UMAD1: variants seen among roughly 807,000 people sequenced by gnomAD.
UMAD1 encodes the protein UBAP1-MVB12-associated (UMA) domain containing 1, also known as UBAP1-MVB12-associated (UMA)-domain containing protein 1.
In UMAD1, 8 loss-of-function variants were observed where a neutral mutation model predicts 6.1. The ratio of observed to expected loss-of-function variants is 1.30; its 90% CI spans 0.76 to 2.35. The LOEUF is 2.35. Among genes scored for constraint, UMAD1 ranks in the 30% most tolerant of loss-of-function variants. The pLI, the probability that UMAD1 is intolerant of heterozygous loss-of-function variation, is 0.00. For missense variants in UMAD1, 130 were observed against 78.4 expected (o/e 1.66, Z -2.49); for synonymous variants, 56 against 31.4 (o/e 1.78, Z -2.61).
chr7:7,785,108 G>A (rs900873381), intron 2 of UMAD1, among the ~76,000 whole-genome samples: 7 of 152,104 alleles, frequency 4.6e-5, no homozygotes, highest in South Asian at 2.1e-4. Context: ...AGATTTTAGC[G>A]GGTTAAGAGA....
chr7:7,784,796 G>A (rs535378615), intron 2 of UMAD1, among the ~76,000 whole-genome samples: 1 of 94,716 alleles, frequency 1.1e-5, no homozygotes, highest in African/African-American at 5.3e-5. Flanking sequence ...GAGTCTTGCT[G>A]TGTCGCCCAG....
At chr7:7,840,983 G>C (rs913614709) in intron 3 of UMAD1, among the ~76,000 whole-genome samples, 4 of 152,148 alleles carry the variant, frequency 2.6e-5, no homozygotes, top group African/African-American at 9.7e-5. Flanking sequence ...AAAACCTAAA[G>C]GCTAAGACAG....
At chr7:7,850,216 T>C (rs866755048) in intron 3 of UMAD1, among the ~76,000 whole-genome samples, 2 of 151,694 alleles carry the variant, frequency 1.3e-5, no homozygotes, top group Non-Finnish European at 1.5e-5. Flanking sequence ...TTTATAACTT[T>C]AATAGTTACA....
intron 3 of UMAD1, among the ~76,000 whole-genome samples, chr7:7,857,029 C>G (rs569883980): frequency 3.3e-5 from 5 of 152,204 alleles, no homozygotes; most frequent in African/African-American, 1.2e-4. Context: ...TTCAAGCAAC[C>G]ACCATAAAAT....
At chr7:7,755,116 T>C (rs1583800974) in intron 2 of UMAD1, among the ~76,000 whole-genome samples, 1 of 152,234 alleles carries the variant, frequency 6.6e-6, no homozygotes, top group East Asian at 1.9e-4. Context: ...ATCGAATGCC[T>C]GCCTTGATCT....
At chr7:7,850,221 G>A (rs1020720439) in intron 3 of UMAD1, among the ~76,000 whole-genome samples, 4 of 150,944 alleles carry the variant, frequency 2.6e-5, no homozygotes, top group African/African-American at 9.7e-5. Context: ...AACTTTAATA[G>A]TTACAAAGAT....
chr7:7,729,650 G>C lies in UMAD1; in HGVS notation c.82+56197G>C, dbSNP rs192979509. Among the ~76,000 whole-genome samples the C allele has an allele frequency of 9.9e-4, 151 of 152,152 alleles. 1 individual carries two copies. Among genetic ancestry groups the C allele is most frequent in the Non-Finnish European group, 1.7e-3 (117 of 67,996 alleles). On this transcript the variant is annotated intron_variant, in intron 2 of 3. Coordinates refer to ENST00000682710, the MANE Select transcript of UMAD1 (RefSeq NM_001302348.2). ...TTGACTTGATTTCTTTCCCTTCCTAGATCCTATAGTTAGCCTGGACAACTC... is the reference window on the plus strand; with the variant it reads ...TTGACTTGATTTCTTTCCCTTCCTACATCCTATAGTTAGCCTGGACAACTC...
At chr7:7,794,785 C>G (rs1046005594) in intron 2 of UMAD1, among the ~76,000 whole-genome samples, 1 of 152,096 alleles carries the variant, frequency 6.6e-6, no homozygotes, top group African/African-American at 2.4e-5. Flanking sequence ...AGATTACATC[C>G]GTAGAGAATC....
intron 2 of UMAD1, among the ~76,000 whole-genome samples, chr7:7,678,222 T>C (rs1779797000): frequency 6.6e-6 from 1 of 150,714 alleles, no homozygotes; most frequent in Admixed American, 6.7e-5. Context: ...ATGAGGTCCC[T>C]TTTCTACACA....
At chr7:7,690,674 A>G (rs1006446790) in intron 2 of UMAD1, among the ~76,000 whole-genome samples, 6 of 152,186 alleles carry the variant, frequency 3.9e-5, no homozygotes, top group African/African-American at 1.4e-4. Context: ...ACTTTAATAT[A>G]TCTAAATTCT....
At chr7:7,846,865 A>G (rs746849067) in intron 3 of UMAD1, among the ~76,000 whole-genome samples, 4 of 123,460 alleles carry the variant, frequency 3.2e-5, no homozygotes, top group East Asian at 2.5e-4. Context: ...ATGAGATCAC[A>G]TGGACACAGG....
At chr7:7,746,587 C>G (rs911721638) in intron 2 of UMAD1, among the ~76,000 whole-genome samples, 1 of 152,226 alleles carries the variant, frequency 6.6e-6, no homozygotes, top group Non-Finnish European at 1.5e-5. Context: ...GAATGCTTAT[C>G]ACCTTGTAAA....
At chr7:7,686,345 A>G (rs145863557) in intron 2 of UMAD1, among the ~76,000 whole-genome samples, 2 of 152,318 alleles carry the variant, frequency 1.3e-5, no homozygotes, top group African/African-American at 4.8e-5. Flanking sequence ...CTCAAATGTT[A>G]GAATGTTATC....
At chr7:7,659,718 C>A (rs1347384949) in intron 1 of UMAD1, among the ~76,000 whole-genome samples, 1 of 152,076 alleles carries the variant, frequency 6.6e-6, no homozygotes, top group East Asian at 1.9e-4. Context: ...GTTTTACTTC[C>A]AATTATGTGG....
At chr7:7,870,593 G>T (rs1784314311) in intron 3 of UMAD1, among the ~76,000 whole-genome samples, 1 of 152,168 alleles carries the variant, frequency 6.6e-6, no homozygotes, top group Admixed American at 6.5e-5. Flanking sequence ...TCATGCACCT[G>T]TTTAAACCCC....
intron 3 of UMAD1, among the ~76,000 whole-genome samples, chr7:7,856,603 CT>C (rs1359106606): frequency 6.6e-6 from 1 of 151,902 alleles, no homozygotes; most frequent in Non-Finnish European, 1.5e-5. Flanking sequence ...TGTTTTTTTT[CT>C]TTTTATGAAA....
chr7:7,829,393 GC>G (rs1179284843), intron 3 of UMAD1, among the ~76,000 whole-genome samples: 1 of 152,150 alleles, frequency 6.6e-6, no homozygotes, highest in Non-Finnish European at 1.5e-5. Context: ...TAATTTTTAA[GC>G]ATCTACTTTG....
chr7:7,729,283 T>G (rs1583780452), intron 2 of UMAD1, among the ~76,000 whole-genome samples: 1 of 152,214 alleles, frequency 6.6e-6, no homozygotes, highest in East Asian at 1.9e-4. Context: ...CTGGTCATGC[T>G]AGACCTTGTA....
intron 1 of UMAD1, among the ~76,000 whole-genome samples, chr7:7,657,718 T>G (rs1785376691): frequency 6.6e-6 from 1 of 152,212 alleles, no homozygotes; most frequent in South Asian, 2.1e-4. Context: ...ACTGTAGTCT[T>G]GTAGTATAGT....
Sources: gnomAD v4.1 joint callset for allele counts (sites outside exome capture counted in the v4.1 genomes callset) on GRCh38, gnomAD v4.1.1 for gene constraint, MANE v1.5 for transcripts, NCBI Gene and HGNC (gene_info 2026-07-23, HGNC 2026-07-21) for gene names.